Variants in ARK2C observed in about 807,000 individuals in gnomAD.
ARK2C encodes the protein E3 ubiquitin-protein ligase ARK2C.
At chr18:46,375,553 CTAATAATAATAATAATAATAATAA>C in the ARK2C span, among the ~76,000 whole-genome samples, 3 of 137,872 alleles carry the variant, frequency 2.2e-5, no homozygotes, top group South Asian at 2.5e-4. Context: ...GACTCTGTCT[CTAATAATAATAATAATAATAATAA>C]TAATAATAAT....
At chr18:46,383,567 T>G in the ARK2C span, among the ~76,000 whole-genome samples, 12 of 148,170 alleles carry the variant, frequency 8.1e-5, no homozygotes, top group Non-Finnish European at 1.5e-4. Context: ...TTTTTTTTTT[T>G]TTTTTGAGAC....
the ARK2C span, among the ~76,000 whole-genome samples, chr18:46,423,965 C>T: frequency 6.6e-6 from 1 of 152,218 alleles, no homozygotes; most frequent in Non-Finnish European, 1.5e-5. Flanking sequence ...TCCAGTATCT[C>T]ATTATCCTCC....
At chr18:46,392,599 C>T in the ARK2C span, among the ~76,000 whole-genome samples, 3 of 152,158 alleles carry the variant, frequency 2.0e-5, no homozygotes, top group South Asian at 2.1e-4. Context: ...AGCCCTTGTC[C>T]GGGGTGATGG....
the ARK2C span, among the ~76,000 whole-genome samples, chr18:46,394,698 C>T: frequency 6.6e-6 from 1 of 152,206 alleles, no homozygotes; most frequent in African/African-American, 2.4e-5. Flanking sequence ...CTGATAGACT[C>T]CTCCAAACAA....
At chr18:46,433,857 G>A in the ARK2C span, among the ~76,000 whole-genome samples, 1 of 152,216 alleles carries the variant, frequency 6.6e-6, no homozygotes, top group African/African-American at 2.4e-5. Flanking sequence ...ACTCCTGCAT[G>A]GTGCGGGAGG....
At chr18:46,441,181 CAG>C in the ARK2C span, among the ~76,000 whole-genome samples, 2 of 152,016 alleles carry the variant, frequency 1.3e-5, no homozygotes, top group African/African-American at 4.8e-5. Flanking sequence ...TTTGTAGAGA[CAG>C]AGTCTTGCTA....
At chr18:46,433,929 C>T in the ARK2C span, among the ~76,000 whole-genome samples, 94 of 152,338 alleles carry the variant, frequency 6.2e-4, no homozygotes, top group African/African-American at 2.2e-3. Flanking sequence ...TTCTAACACC[C>T]AAGCACCCTA....
the ARK2C span, among the ~76,000 whole-genome samples, chr18:46,431,782 A>G: frequency 1.6e-3 from 241 of 152,282 alleles, 1 homozygote; most frequent in African/African-American, 5.6e-3. Context: ...ACAGATTGCA[A>G]TCAGTCTCCC....
chr18:46,376,687 T>TG, the ARK2C span, among the ~76,000 whole-genome samples: 2 of 146,498 alleles, frequency 1.4e-5, no homozygotes, highest in Non-Finnish European at 3.0e-5. Flanking sequence ...TTTTTTTTTT[T>TG]TTGAGATGGA....
chr18:46,442,094 C>T, the ARK2C span, among the ~76,000 whole-genome samples: 3 of 148,532 alleles, frequency 2.0e-5, no homozygotes, highest in East Asian at 5.9e-4. Flanking sequence ...ACCCGGGAGG[C>T]GGAGCTTGCA....
At chr18:46,413,833 C>T in the ARK2C span, among the ~76,000 whole-genome samples, 76 of 152,296 alleles carry the variant, frequency 5.0e-4, no homozygotes, top group African/African-American at 1.8e-3. Context: ...CACTCCTCCC[C>T]CTGCCCCAGC....
the ARK2C span, among the ~76,000 whole-genome samples, chr18:46,452,434 C>G: frequency 6.6e-6 from 1 of 152,006 alleles, no homozygotes; most frequent in African/African-American, 2.4e-5. Flanking sequence ...CATGTGCCAC[C>G]ACACCCAGCT....
the ARK2C span, among the ~76,000 whole-genome samples, chr18:46,338,355 G>T: frequency 5.3e-5 from 8 of 152,346 alleles, no homozygotes; most frequent in Non-Finnish European, 1.2e-4. Flanking sequence ...CCCCTATCCA[G>T]GGCCAGCAGC....
At chr18:46,450,224 G>T in the ARK2C span, 1 of 928,832 alleles carries the variant, frequency 1.1e-6, no homozygotes, top group Admixed American at 1.7e-5. Flanking sequence ...GTTACAGGTG[G>T]AGAAGTTGCA....
At chr18:46,436,608 A>G in the ARK2C span, among the ~76,000 whole-genome samples, 1 of 152,286 alleles carries the variant, frequency 6.6e-6, no homozygotes, top group African/African-American at 2.4e-5. Flanking sequence ...ATGATTCCAG[A>G]GAATAGTTCC....
chr18:46,393,328 C>T, the ARK2C span, among the ~76,000 whole-genome samples: 5 of 152,262 alleles, frequency 3.3e-5, no homozygotes, highest in East Asian at 5.8e-4. Flanking sequence ...AGAGCAGTCT[C>T]GAGGTGTGGG....
the ARK2C span, among the ~76,000 whole-genome samples, chr18:46,388,639 C>T: frequency 2.0e-5 from 3 of 152,170 alleles, no homozygotes; most frequent in African/African-American, 7.2e-5. Context: ...TCTTTTCACT[C>T]GGGAGGTTTA....
chr18:46,403,813 G>A, the ARK2C span, among the ~76,000 whole-genome samples: 11 of 152,232 alleles, frequency 7.2e-5, no homozygotes, highest in African/African-American at 2.4e-4. Context: ...GGAAGGTGGA[G>A]GTTGCAGTGA....
the ARK2C span, among the ~76,000 whole-genome samples, chr18:46,355,123 T>G: frequency 6.8e-6 from 1 of 147,020 alleles, no homozygotes; most frequent in African/African-American, 2.5e-5. Flanking sequence ...CTAATTTTTG[T>G]TTTTTTTTTA....
Sources: gnomAD v4.1 joint callset for allele counts (sites outside exome capture counted in the v4.1 genomes callset) on GRCh38, gnomAD v4.1.1 for gene constraint, MANE v1.5 for transcripts, NCBI Gene and HGNC (gene_info 2026-07-23, HGNC 2026-07-21) for gene names.